Variants in DEFB125 observed in about 807,000 individuals in gnomAD.
DEFB125 encodes beta-defensin 125.
In DEFB125, 11 loss-of-function variants were observed where a neutral mutation model predicts 11.8. The ratio of observed to expected loss-of-function variants is 0.94; its 90% CI spans 0.59 to 1.55. The LOEUF is 1.55. Among genes scored for constraint, DEFB125 ranks in the 40% most tolerant of loss-of-function variants. The probability of loss-of-function intolerance (pLI) is 0.00; values close to 1 mark genes in which losing one functional copy is unlikely to be tolerated. For synonymous variants in DEFB125, 79 were observed against 66.7 expected, an observed-to-expected ratio of 1.18 and a Z score of -0.90; for missense variants, 198 against 191.2, an observed-to-expected ratio of 1.04 and a Z score of -0.21.
Position 87,907 on chromosome 20 carries a change from C to T in DEFB125, c.58+140C>T, listed in dbSNP as rs2054481957. On this transcript the variant is annotated intron_variant, in intron 1 of 1. Coordinates refer to ENST00000382410, the MANE Select transcript of DEFB125 (RefSeq NM_153325.4). ...GAGCAGCAGAATGCTCTTATTTTGG[C>T]AGCTCCATGCCCCTAGTCTCTGAGA... 2.3e-5 allele frequency: 19 copies of T among 825,560 alleles called. No homozygotes were observed. The South Asian group carries it at 2.8e-4, about 12-fold the overall frequency. The allele number at this position is 825,560 out of a possible 1,614,324, so 51.1% of individuals were successfully genotyped here.
intron 1 of DEFB125, among the ~76,000 whole-genome samples, chr20:92,940 C>A (rs1208966130): frequency 1.3e-5 from 2 of 151,010 alleles, no homozygotes; most frequent in Non-Finnish European, 2.9e-5. Context: ...ATCTCATCAC[C>A]CTATTCTATA....
At chr20:95,403 G>A (rs985167700) in intron 1 of DEFB125, among the ~76,000 whole-genome samples, 26 of 151,878 alleles carry the variant, frequency 1.7e-4, no homozygotes, top group African/African-American at 4.1e-4. Flanking sequence ...TGCATATGTC[G>A]AACCAACCTT....
At chr20:95,287 A>T (rs758847118) in intron 1 of DEFB125, among the ~76,000 whole-genome samples, 55 of 152,206 alleles carry the variant, frequency 3.6e-4, no homozygotes, top group Non-Finnish European at 7.8e-4. Context: ...GAAACTCACT[A>T]GAATTTAATT....
intron 1 of DEFB125, among the ~76,000 whole-genome samples, chr20:88,732 G>C (rs1032105494): frequency 2.6e-5 from 4 of 152,104 alleles, no homozygotes; most frequent in African/African-American, 4.8e-5. Context: ...AAAACTTTGA[G>C]GAGGAGCAGA....
chr20:88,491 GTCCA>G (rs1401646467), intron 1 of DEFB125, among the ~76,000 whole-genome samples: 1 of 152,172 alleles, frequency 6.6e-6, no homozygotes, highest in African/African-American at 2.4e-5. Context: ...ATGTTTGTCT[GTCCA>G]AGAATACCAG....
intron 1 of DEFB125, among the ~76,000 whole-genome samples, chr20:89,098 C>T (rs537453920): frequency 6.6e-6 from 1 of 152,248 alleles, no homozygotes; most frequent in African/African-American, 2.4e-5. Flanking sequence ...TGAGTTTGAA[C>T]ATCCAGTCCA....
intron 1 of DEFB125, among the ~76,000 whole-genome samples, 175 bp downstream of exon 1, chr20:87,942 T>G (rs1412984792): frequency 6.6e-6 from 1 of 152,192 alleles, no homozygotes; most frequent in Non-Finnish European, 1.5e-5. Flanking sequence ...AATCTTTCTG[T>G]TAGGGGCATC....
chr20:88,774 G>A (rs1238726056), intron 1 of DEFB125, among the ~76,000 whole-genome samples: 2 of 151,924 alleles, frequency 1.3e-5, no homozygotes, highest in Non-Finnish European at 2.9e-5. Flanking sequence ...CTCCGCTACT[G>A]ATGAAAAATA....
chr20:92,649 C>T (rs935475996), intron 1 of DEFB125, among the ~76,000 whole-genome samples: 1 of 152,052 alleles, frequency 6.6e-6, no homozygotes, highest in Non-Finnish European at 1.5e-5. Context: ...CCTCGGCTTC[C>T]CAAAGTGCTG....
Position 96,679 on chromosome 20 carries a change from A to G in DEFB125, c.*262A>G. The stretch of plus-strand genomic sequence containing the variant: ...TATCTGTCTTCCTCCGATGTACTCA[A>G]ATATATGAGCTAATTTTTGTCTTAA... On this transcript the variant is annotated 3_prime_UTR_variant, in exon 2 of 2. Transcript: ENST00000382410. 1 of 393,826 alleles carries G rather than the reference A, an allele frequency of 2.5e-6. No individual in the cohort carries two copies. The highest frequency in any genetic ancestry group is 4.5e-6 in the Non-Finnish European group (1 of 221,960). The allele number at this position is 393,826 out of a possible 1,614,324, so 24.4% of individuals were successfully genotyped here. A position where few individuals can be genotyped will look rare whatever the true frequency, so the allele number is the denominator to read the frequency against.
intron 1 of DEFB125, among the ~76,000 whole-genome samples, chr20:95,083 C>G (rs563435773): frequency 1.3e-5 from 2 of 152,248 alleles, no homozygotes; most frequent in African/African-American, 4.8e-5. Flanking sequence ...CTGATTTCTA[C>G]ATTTCTCCAC....
chr20:87,792 A>T, intron 1 of DEFB125, 25 bp downstream of exon 1: 1 of 1,611,538 alleles, frequency 6.2e-7, no homozygotes, highest in Non-Finnish European at 8.5e-7. Context: ...TAAAGCAGAG[A>T]TGATGACTAG....
intron 1 of DEFB125, among the ~76,000 whole-genome samples, chr20:91,134 T>C (rs914168103): frequency 1.3e-5 from 2 of 152,336 alleles, no homozygotes; most frequent in Middle Eastern, 6.8e-3. Flanking sequence ...CTTTTGCCTG[T>C]TTTAAAATCA....
chr20:92,392 CTTCT>C (rs1167310098), intron 1 of DEFB125, among the ~76,000 whole-genome samples: 2 of 142,812 alleles, frequency 1.4e-5, no homozygotes, highest in East Asian at 3.9e-4. Flanking sequence ...ATGAACCTTC[CTTCT>C]TTTTTTTTTT....
chr20:90,992 C>A (rs966818273), intron 1 of DEFB125, among the ~76,000 whole-genome samples: 1 of 152,240 alleles, frequency 6.6e-6, no homozygotes, highest in African/African-American at 2.4e-5. Flanking sequence ...TTTTCATCTA[C>A]AAAATAATGT....
intron 1 of DEFB125, among the ~76,000 whole-genome samples, chr20:93,164 G>T (rs1365324038): frequency 6.6e-6 from 1 of 151,790 alleles, no homozygotes; most frequent in Non-Finnish European, 1.5e-5. Context: ...TAGAGACAGG[G>T]TTTCACCATG....
At chr20:88,951 G>T (rs549351647) in intron 1 of DEFB125, among the ~76,000 whole-genome samples, 11 of 152,080 alleles carry the variant, frequency 7.2e-5, no homozygotes, top group African/African-American at 2.4e-4. Context: ...CCAGTTGCAA[G>T]AGTGTCAGCT....
chr20:91,096 T>A (rs1263231370), intron 1 of DEFB125, among the ~76,000 whole-genome samples: 1 of 152,252 alleles, frequency 6.6e-6, no homozygotes, highest in Non-Finnish European at 1.5e-5. Flanking sequence ...TGTTTGTATG[T>A]CTTCTGTTGA....
intron 1 of DEFB125, among the ~76,000 whole-genome samples, chr20:88,152 G>A (rs569887637): frequency 9.2e-5 from 14 of 152,084 alleles, no homozygotes; most frequent in African/African-American, 2.2e-4. Flanking sequence ...TTCTTTGCCC[G>A]GAGGGTACCT....
Sources: allele counts gnomAD v4.1 joint callset (sites outside exome capture counted in the v4.1 genomes callset), GRCh38; gene constraint gnomAD v4.1.1; transcripts MANE v1.5; gene names NCBI Gene and HGNC (gene_info 2026-07-23, HGNC 2026-07-21).